CATSPERB: variants seen among roughly 807,000 people sequenced by gnomAD.
CATSPERB encodes the protein catsper channel auxiliary subunit beta.
Under a neutral mutation model 128.3 loss-of-function variants are expected in CATSPERB, and 93 were observed. The observed-to-expected ratio is 0.72, with a 90% CI of 0.61 to 0.86. The LOEUF is 0.86. Among genes scored for constraint, CATSPERB ranks in the 40% least tolerant of loss-of-function variants. The probability of loss-of-function intolerance (pLI) is 0.00; values close to 1 mark genes in which losing one functional copy is unlikely to be tolerated. For synonymous variants in CATSPERB, 381 were observed against 448.8 expected (o/e 0.85, Z 1.91); for missense variants, 1,153 against 1,329.5 (o/e 0.87, Z 2.06).
Position 91,645,144 on chromosome 14 carries a change from C to A in CATSPERB, c.1433-5894G>T, listed in dbSNP as rs1490177290. ...TTTTTCAAAGTTGTCAACTTCTTTG[C>A]CTTTGGTTTGAATGTCCTCCCGTAG... is the stretch of plus-strand genomic sequence containing the variant. On this transcript the variant is annotated intron_variant, in intron 15 of 26. Coordinates refer to ENST00000256343, the MANE Select transcript of CATSPERB (RefSeq NM_024764.4). Among the ~76,000 whole-genome samples the A allele has an allele frequency of 8.6e-4, 14 of 16,202 alleles. 6 individuals carry two copies. The highest frequency in any genetic ancestry group is 1.3e-3 in the Non-Finnish European group (14 of 10,514). The allele number at this position is 16,202 out of a possible 152,430, so 10.6% of individuals were successfully genotyped here. A position where few individuals can be genotyped will look rare whatever the true frequency, so the allele number is the denominator to read the frequency against.
At chr14:91,621,503 G>T in intron 19 of CATSPERB, 105 bp downstream of exon 19, 1 of 896,580 alleles carries the variant, frequency 1.1e-6, no homozygotes, top group Non-Finnish European at 1.7e-6. Flanking sequence ...ATGCCAACAA[G>T]TATGGGAACC....
chr14:91,711,292 G>A (rs145817315), intron 5 of CATSPERB, among the ~76,000 whole-genome samples: 272 of 152,156 alleles, frequency 1.8e-3, no homozygotes, highest in African/African-American at 5.9e-3. Context: ...GTGCAGTGGC[G>A]CCATCTCAGC....
chr14:91,645,886 C>T (rs1171531265), intron 15 of CATSPERB, among the ~76,000 whole-genome samples: 4 of 149,384 alleles, frequency 2.7e-5, no homozygotes, highest in African/African-American at 9.9e-5. Flanking sequence ...ACCCTCCGAG[C>T]CAGGTGTGGG....
rs3029803 is a variant in CATSPERB at position 91,587,477 on chromosome 14, C to CTTTTTTTTTTTTTTTTT, written c.3058-218_3058-202dup. 1.7e-3 allele frequency among the ~76,000 whole-genome samples: 170 copies of CTTTTTTTTTTTTTTTTT among 101,524 alleles called. 7 individuals carry two copies. The highest frequency in any genetic ancestry group is 5.3e-3 in the Middle Eastern group (1 of 188). The allele number at this position is 101,524 out of a possible 152,430, so 66.6% of individuals were successfully genotyped here. A position where few individuals can be genotyped will look rare whatever the true frequency, so the allele number is the denominator to read the frequency against. ...AAGTGGAGGGATTCAATAGCTGATA[C>CTTTTTTTTTTTTTTTTT]TTTTTTTTTTTTTTTTTTTTTTTTT... On this transcript the variant is annotated intron_variant, in intron 25 of 26. Transcript: ENST00000256343.
At chr14:91,679,089 G>A (rs1478537624) in intron 11 of CATSPERB, among the ~76,000 whole-genome samples, 2 of 152,130 alleles carry the variant, frequency 1.3e-5, no homozygotes, top group Non-Finnish European at 2.9e-5. Context: ...AACTTTAAAT[G>A]AAATTTAAAA....
chr14:91,585,613 T>TTTA (rs1893284027), intron 26 of CATSPERB, among the ~76,000 whole-genome samples: 1 of 152,228 alleles, frequency 6.6e-6, no homozygotes, highest in Non-Finnish European at 1.5e-5. Flanking sequence ...TTCAAAAGTG[T>TTTA]TTACCTGTAC....
At chr14:91,694,597 T>C (rs1189494934) in intron 7 of CATSPERB, among the ~76,000 whole-genome samples, 3 of 152,080 alleles carry the variant, frequency 2.0e-5, no homozygotes, top group East Asian at 3.8e-4. Context: ...ACAATTTTAG[T>C]TAATAATAAT....
intron 13 of CATSPERB, among the ~76,000 whole-genome samples, chr14:91,671,731 A>G (rs1325893165): frequency 3.3e-5 from 5 of 151,404 alleles, no homozygotes; most frequent in African/African-American, 7.3e-5. Context: ...CCCTTCACCT[A>G]TTAAGATGGT....
intron 17 of CATSPERB, among the ~76,000 whole-genome samples, chr14:91,626,336 T>G (rs543082439): frequency 1.3e-5 from 2 of 148,800 alleles, no homozygotes; most frequent in East Asian, 4.1e-4. Flanking sequence ...CAATTTCCAA[T>G]GCAAGAGTGT....
At chr14:91,605,957 CTTGAGG>C (rs1189618976) in intron 22 of CATSPERB, among the ~76,000 whole-genome samples, 3 of 152,202 alleles carry the variant, frequency 2.0e-5, no homozygotes, top group African/African-American at 7.2e-5. Flanking sequence ...GGGCGGATCC[CTTGAGG>C]TCAGGAGTTC....
At chr14:91,686,929 G>A (rs1323121354) in intron 10 of CATSPERB, among the ~76,000 whole-genome samples, 1 of 151,712 alleles carries the variant, frequency 6.6e-6, no homozygotes, top group Non-Finnish European at 1.5e-5. Flanking sequence ...CTGGAAAAAA[G>A]AAACAAAAAA....
chr14:91,635,156 C>A (rs1894349273), intron 17 of CATSPERB, among the ~76,000 whole-genome samples: 3 of 152,062 alleles, frequency 2.0e-5, no homozygotes, highest in Admixed American at 2.0e-4. Flanking sequence ...TAATTCCATT[C>A]ATGAGGGCAG....
rs113418243 is a variant in CATSPERB, at chr14:91,708,867, T to C, written c.371-631A>G. On this transcript the variant is annotated intron_variant, in intron 5 of 26. Transcript: ENST00000256343. Reference sequence around the variant, plus strand: ...AACTATATGTTATTTATAACAAACTTATTTTAAATGCAAAAGCATAAATAA... The same window carrying C: ...AACTATATGTTATTTATAACAAACTCATTTTAAATGCAAAAGCATAAATAA... Among the ~76,000 whole-genome samples the C allele has an allele frequency of 1.4e-3, 206 of 152,370 alleles. 1 individual carries two copies. Among genetic ancestry groups the C allele is most frequent in the African/African-American group, 4.8e-3 (199 of 41,588 alleles).
At chr14:91,612,049 T>TTTCTTTCTTTCTTTCTTTCC (rs1400348975) in intron 20 of CATSPERB, among the ~76,000 whole-genome samples, 4 of 115,616 alleles carry the variant, frequency 3.5e-5, no homozygotes, top group African/African-American at 1.2e-4. Flanking sequence ...TCTTTCTTTC[T>TTTCTTTCTTTCTTTCTTTCC]TTCTTTCTTT....
intron 22 of CATSPERB, chr14:91,603,448 C>G (rs1893642451): frequency 6.6e-7 from 1 of 1,522,860 alleles, no homozygotes; most frequent in African/African-American, 1.4e-5. Flanking sequence ...ACTAGTTATA[C>G]CAGATGAGTG....
rs138924451 is a variant in CATSPERB, at chr14:91,669,893, C to T, written c.1208G>A (p.Arg403Gln). The T allele has an allele frequency of 1.3e-5, 21 of 1,613,300 alleles. No homozygotes were observed. The highest frequency in any genetic ancestry group is 6.7e-5 in the Admixed American group (4 of 59,858). ...GGGAGAAGAGAATGATGAAGGAAAC[C>T]GAAAAATTGGAAATTTTGATTGTGA... Reference protein sequence around the residue: ...PNSQSKFPIFRFPSSFSSPVG... With the variant: ...PNSQSKFPIFQFPSSFSSPVG... Residue 403 changes from arginine to glutamine, a missense_variant, in exon 14 of 27, where the codon CGG becomes CAG. Physicochemically the swap from Arg to Gln is conservative, Grantham distance 43. Transcript: ENST00000256343.
chr14:91,723,569 G>A (rs368316168), intron 3 of CATSPERB, among the ~76,000 whole-genome samples: 1 of 152,102 alleles, frequency 6.6e-6, no homozygotes, highest in Non-Finnish European at 1.5e-5. Flanking sequence ...TTTTGAGAAG[G>A]CATATGAAAA....
In CATSPERB at chr14:91,639,086, A is replaced by C; in HGVS notation, c.1587+10T>G. The C allele has an allele frequency of 1.2e-6, 2 of 1,611,566 alleles. No homozygotes were observed. Among genetic ancestry groups the C allele is most frequent in the Non-Finnish European group, 1.7e-6 (2 of 1,178,902 alleles). ...ATAAGGCAAACTGTTTCAATGCATT[A>C]TATACTGACCTGTCCAAAAAGATTT... is the stretch of plus-strand genomic sequence containing the variant. On this transcript the variant is annotated intron_variant, in intron 16 of 26. Coordinates refer to ENST00000256343, the MANE Select transcript of CATSPERB (RefSeq NM_024764.4).
intron 14 of CATSPERB, among the ~76,000 whole-genome samples, chr14:91,667,811 T>G (rs2139827512): frequency 6.6e-6 from 1 of 152,356 alleles, no homozygotes; most frequent in East Asian, 1.9e-4. Flanking sequence ...TTTCAAACTC[T>G]TATACCAACC....
Sources: allele counts gnomAD v4.1 joint callset (sites outside exome capture counted in the v4.1 genomes callset), GRCh38; gene constraint gnomAD v4.1.1; transcripts MANE v1.5; gene names NCBI Gene and HGNC (gene_info 2026-07-23, HGNC 2026-07-21).